PCDH11X: variants seen among roughly 807,000 people sequenced by gnomAD.
The protein encoded by PCDH11X is protocadherin-11 X-linked.
In PCDH11X, 18 loss-of-function variants were observed where a neutral mutation model predicts 53.3. The ratio of observed to expected loss-of-function variants is 0.34; its 90% confidence interval spans 0.23 to 0.50. The LOEUF is 0.50. Ranked by LOEUF, PCDH11X falls within the 20% of genes least tolerant of loss-of-function variation. The pLI, the probability that PCDH11X is intolerant of heterozygous loss-of-function variation, is 0.98. For missense variants in PCDH11X, 570 were observed against 1,032.4 expected, an observed-to-expected ratio of 0.55 and a Z score of 6.14; for synonymous variants, 279 against 393.3, an observed-to-expected ratio of 0.71 and a Z score of 3.44.
intron 1 of PCDH11X, among the ~76,000 whole-genome samples, chrX:91,785,573 A>G (rs917034590): frequency 1.1e-4 from 12 of 112,207 alleles, no homozygotes; most frequent in African/African-American, 3.6e-4. Flanking sequence ...ACATATATAC[A>G]TATTACCTTT....
At chrX:91,799,855 G>C (rs1015890028) in intron 1 of PCDH11X, among the ~76,000 whole-genome samples, 5 of 111,712 alleles carry the variant, frequency 4.5e-5, no homozygotes, top group African/African-American at 1.6e-4. Context: ...TTGGGAGGCC[G>C]AGGTGAGTGG....
chrX:91,872,546 C>A, intron 5 of PCDH11X, among the ~76,000 whole-genome samples: 1 of 110,749 alleles, frequency 9.0e-6, no homozygotes, highest in South Asian at 3.8e-4. Flanking sequence ...AGCTTCATGC[C>A]ATATTACCCT....
intron 6 of PCDH11X, among the ~76,000 whole-genome samples, chrX:91,890,369 A>G (rs1940418393): frequency 1.8e-5 from 2 of 111,355 alleles, no homozygotes; most frequent in African/African-American, 6.5e-5. Context: ...ATATCATCCC[A>G]TATATAATCT....
intron 8 of PCDH11X, among the ~76,000 whole-genome samples, chrX:92,351,872 A>T (rs2070059657): frequency 1.8e-5 from 2 of 111,667 alleles, no homozygotes; most frequent in African/African-American, 6.5e-5. Flanking sequence ...TAAGATCATC[A>T]ATCAACTCCT....
At chrX:92,247,906 T>C (rs5984915) in intron 7 of PCDH11X, among the ~76,000 whole-genome samples, 3,850 of 105,598 alleles carry the variant, frequency 0.036, 135 homozygotes, top group East Asian at 0.28. Flanking sequence ...TTTGAGTTGA[T>C]AGTATTGAGA....
intron 10 of PCDH11X, among the ~76,000 whole-genome samples, chrX:92,571,076 G>A (rs1425164814): frequency 4.5e-5 from 5 of 111,918 alleles, no homozygotes; most frequent in Non-Finnish European, 7.5e-5. Context: ...ATTGATGACA[G>A]AGCTAACTGA....
At chrX:92,337,954 C>A (rs2069659840) in intron 8 of PCDH11X, among the ~76,000 whole-genome samples, 2 of 111,322 alleles carry the variant, frequency 1.8e-5, no homozygotes, top group Non-Finnish European at 3.8e-5. Flanking sequence ...ATTGTCCCCT[C>A]TTACATATAA....
chrX:92,565,528 T>C (rs2750536), intron 10 of PCDH11X, among the ~76,000 whole-genome samples: 11,352 of 65,229 alleles, frequency 0.17, 1,801 homozygotes, highest in Non-Finnish European at 0.2. Context: ...TAAAATAAGC[T>C]AGGCACAGAA....
At chrX:92,463,208 C>G (rs999356979) in intron 9 of PCDH11X, among the ~76,000 whole-genome samples, 1 of 110,971 alleles carries the variant, frequency 9.0e-6, no homozygotes, top group Non-Finnish European at 1.9e-5. Flanking sequence ...TAGTATTTTT[C>G]AATAGGCATT....
chrX:92,574,623 C>T (rs1922602851), intron 10 of PCDH11X, among the ~76,000 whole-genome samples: 1 of 110,872 alleles, frequency 9.0e-6, no homozygotes, highest in Non-Finnish European at 1.9e-5. Flanking sequence ...TATTGAAATG[C>T]CCTTCAAGTA....
At position 92,368,725 on chromosome X, in the gene PCDH11X, T is replaced by G. The variant is rs563105766; in HGVS notation, c.3145-19010T>G. Among the ~76,000 whole-genome samples, 39 of 110,790 alleles carry G rather than the reference T, an allele frequency of 3.5e-4. No individual in the cohort carries two copies. In the South Asian group the frequency reaches 4.6e-3, roughly 13 times the overall value. On this transcript the variant is annotated intron_variant, in intron 8 of 10. Coordinates refer to ENST00000682573, the MANE Select transcript of PCDH11X (RefSeq NM_032968.5). ...TGATTTTGATGTTGTTGCTTTCTGT[T>G]TGTTAGTTTTTCTTCTAACAAGCAG...
chrX:91,927,529 A>G (rs12690272), intron 6 of PCDH11X, among the ~76,000 whole-genome samples: 1,218 of 110,992 alleles, frequency 0.011, 27 homozygotes, highest in South Asian at 0.11. Flanking sequence ...AAAGCCTTTT[A>G]AAGGAGATTT....
chrX:92,317,782 T>C (rs2069112048), intron 8 of PCDH11X, among the ~76,000 whole-genome samples: 1 of 111,679 alleles, frequency 9.0e-6, no homozygotes, highest in Non-Finnish European at 1.9e-5. Context: ...ATTAACTGTT[T>C]GAAATTTAGC....
At chrX:92,087,117 G>A (rs948834589) in intron 6 of PCDH11X, among the ~76,000 whole-genome samples, 4 of 109,416 alleles carry the variant, frequency 3.7e-5, no homozygotes, top group African/African-American at 1.3e-4. Context: ...TTTTTGAGAC[G>A]GAGTTTCCCT....
At chrX:92,017,276 G>C (rs1447183113) in intron 6 of PCDH11X, among the ~76,000 whole-genome samples, 1 of 111,391 alleles carries the variant, frequency 9.0e-6, no homozygotes, top group African/African-American at 3.3e-5. Flanking sequence ...CATTTAACCT[G>C]ATGTGACTAT....
intron 10 of PCDH11X, among the ~76,000 whole-genome samples, chrX:92,609,647 CA>C (rs1176671487): frequency 1.8e-5 from 2 of 110,107 alleles, no homozygotes; most frequent in Non-Finnish European, 3.8e-5. Context: ...ATTTTTGATT[CA>C]GGGGGTACAT....
intron 9 of PCDH11X, among the ~76,000 whole-genome samples, chrX:92,429,074 A>T (rs2072190746): frequency 9.0e-6 from 1 of 111,019 alleles, no homozygotes; most frequent in African/African-American, 3.3e-5. Flanking sequence ...AGGGAAAATG[A>T]TAACTAATTT....
At chrX:92,582,849 C>T (rs745933486) in intron 10 of PCDH11X, among the ~76,000 whole-genome samples, 1 of 109,084 alleles carries the variant, frequency 9.2e-6, no homozygotes, top group South Asian at 4.0e-4. Flanking sequence ...CTTGCATTAG[C>T]GTGACCTGGA....
intron 6 of PCDH11X, among the ~76,000 whole-genome samples, chrX:92,138,582 A>T (rs2065122551): frequency 9.0e-6 from 1 of 111,166 alleles, no homozygotes; most frequent in African/African-American, 3.3e-5. Context: ...ATCAAATATA[A>T]TATATTCTCT....
Sources: allele counts gnomAD v4.1 joint callset (sites outside exome capture counted in the v4.1 genomes callset), GRCh38; gene constraint gnomAD v4.1.1; transcripts MANE v1.5; gene names NCBI Gene and HGNC (gene_info 2026-07-23, HGNC 2026-07-21).